The following TMEM131L variants were observed in gnomAD, a reference collection of about 807,000 sequenced individuals.
TMEM131L encodes transmembrane protein 131-like.
A neutral mutation model predicts 192.2 loss-of-function variants in TMEM131L; 54 were observed. That is an observed-to-expected ratio of 0.28 (90% CI 0.23 to 0.35). The LOEUF (loss-of-function observed/expected upper bound fraction) is 0.35. TMEM131L is among the 10% of genes least tolerant of loss of function. The probability of loss-of-function intolerance (pLI) is 1.00; values close to 1 mark genes in which losing one functional copy is unlikely to be tolerated. For synonymous variants in TMEM131L, 701 were observed against 704.9 expected, an observed-to-expected ratio of 0.99 and a Z score of 0.09; for missense variants, 1,888 against 1,972.9, an observed-to-expected ratio of 0.96 and a Z score of 0.82.
chr4:153,632,727 C>G lies in TMEM131L; in HGVS notation c.4217C>G (p.Ser1406Ter), dbSNP rs1456564803. 6.2e-7 allele frequency: 1 copy of G among 1,614,058 alleles called. No individual in the cohort carries two copies. ...TGVEEDKGLY[S>*]PGDLWPTPPV... ...TTGTTCTCTTCCGTAGGTCTTTACTCACCTGGAGACCTGTGGCCCACTCCG... is the reference window on the plus strand; with the variant it reads ...TTGTTCTCTTCCGTAGGTCTTTACTGACCTGGAGACCTGTGGCCCACTCCG... Residue 1406 changes from serine (S) to a stop codon, truncating the protein, a stop_gained, in exon 32 of 35, where the codon TCA becomes TGA. Coordinates refer to ENST00000409959, the MANE Select transcript of TMEM131L (RefSeq NM_001131007.2). LOFTEE classifies it high-confidence loss of function.
chr4:153,623,424 T>C (rs553343795), intron 29 of TMEM131L, among the ~76,000 whole-genome samples: 2 of 152,332 alleles, frequency 1.3e-5, no homozygotes, highest in South Asian at 4.1e-4. Flanking sequence ...GTGCATCACA[T>C]TGTGCAGCCA....
intron 25 of TMEM131L, among the ~76,000 whole-genome samples, chr4:153,606,208 T>C (rs969333279): frequency 3.3e-5 from 5 of 152,240 alleles, no homozygotes; most frequent in African/African-American, 4.8e-5. Context: ...AGGTGAATTA[T>C]GGAGTGAGTC....
intron 20 of TMEM131L, among the ~76,000 whole-genome samples, chr4:153,596,654 T>C (rs560333844): frequency 1.3e-5 from 2 of 152,344 alleles, no homozygotes; most frequent in African/African-American, 2.4e-5. Context: ...TCGTCTGTGC[T>C]GTCTCAAAAG....
At chr4:153,473,934 C>T (rs1186296241) in intron 3 of TMEM131L, 46 bp downstream of exon 3, 2 of 1,403,488 alleles carry the variant, frequency 1.4e-6, no homozygotes, top group East Asian at 2.5e-5. Flanking sequence ...AATGTCCCTG[C>T]CCACTTTGGG....
intron 26 of TMEM131L, among the ~76,000 whole-genome samples, chr4:153,620,054 G>A (rs1418761847): frequency 6.6e-6 from 1 of 152,154 alleles, no homozygotes; most frequent in African/African-American, 2.4e-5. Context: ...ATAAGGATTA[G>A]AATATGTTAA....
At position 153,624,008 on chromosome 4, in the gene TMEM131L, A is replaced by T. The variant is rs1280220169; in HGVS notation, c.4045+925A>T. 2.0e-5 allele frequency among the ~76,000 whole-genome samples: 3 copies of T among 151,854 alleles called. No individual in the cohort carries two copies. In the East Asian group the frequency reaches 5.8e-4, roughly 29 times the overall value. On this transcript the variant is annotated intron_variant, in intron 29 of 34. Transcript: ENST00000409959. ...TTAGTCCATTTTAAATTTTACATTC[A>T]TATATCCATCAACAAAATATTGACT... is the stretch of plus-strand genomic sequence containing the variant.
chr4:153,560,327 G>C (rs1439488006), intron 7 of TMEM131L, among the ~76,000 whole-genome samples: 2 of 152,200 alleles, frequency 1.3e-5, no homozygotes, highest in Non-Finnish European at 2.9e-5. Context: ...TAGCTCTGGG[G>C]CTGTCCTCAC....
intron 7 of TMEM131L, 59 bp downstream of exon 7, chr4:153,558,427 G>T (rs1241738044): frequency 1.0e-6 from 1 of 976,312 alleles, no homozygotes; most frequent in South Asian, 1.6e-5. Context: ...AACCTTCTCA[G>T]AATTGGTTAT....
intron 2 of TMEM131L, among the ~76,000 whole-genome samples, chr4:153,471,145 G>A (rs554292578): frequency 3.2e-4 from 49 of 152,170 alleles, no homozygotes; most frequent in Non-Finnish European, 6.5e-4. Context: ...GCGCCACCAT[G>A]CCCGGCTAAT....
intron 31 of TMEM131L, among the ~76,000 whole-genome samples, chr4:153,628,875 G>C (rs1269661385): frequency 6.6e-6 from 1 of 152,168 alleles, no homozygotes; most frequent in African/African-American, 2.4e-5. Flanking sequence ...TGTACTTCAA[G>C]TGCCTTTACC....
chr4:153,580,834 C>T lies in TMEM131L; in HGVS notation c.669C>T (p.Thr223=), dbSNP rs1730282255. The change falls in exon 8 of 35, where the codon ACC becomes ACT. Residue 223 remains threonine, a synonymous_variant. Coordinates refer to ENST00000409959, the MANE Select transcript of TMEM131L (RefSeq NM_001131007.2). ...SIQLSQMQAE[T]TNTSLLQVQL... ...CTTTTTTCTTCTTTTAGGCAGAAAC[C>T]ACTAATACTAGCCTCTTGCAGGTGC... 1 of 1,609,482 alleles carries T rather than the reference C, an allele frequency of 6.2e-7. No individual in the cohort carries two copies. Among genetic ancestry groups the T allele is most frequent in the East Asian group, 2.2e-5 (1 of 44,816 alleles).
chr4:153,501,610 A>G (rs962016892), intron 3 of TMEM131L, among the ~76,000 whole-genome samples: 1 of 152,188 alleles, frequency 6.6e-6, no homozygotes, highest in African/African-American at 2.4e-5. Flanking sequence ...ACTTCTTGCC[A>G]TCACTTTTCT....
chr4:153,517,469 TA>T (rs1734816758), intron 3 of TMEM131L, among the ~76,000 whole-genome samples: 1 of 150,808 alleles, frequency 6.6e-6, no homozygotes, highest in African/African-American at 2.4e-5. Context: ...ATATAGTGTG[TA>T]TTTTTTTTTC....
chr4:153,564,573 C>T (rs577477267), intron 7 of TMEM131L, among the ~76,000 whole-genome samples: 1 of 152,188 alleles, frequency 6.6e-6, no homozygotes, highest in East Asian at 1.9e-4. Context: ...TTTGGTCCTT[C>T]TTTTTTATTG....
chr4:153,473,140 G>C (rs1185417804), intron 2 of TMEM131L, among the ~76,000 whole-genome samples: 1 of 152,218 alleles, frequency 6.6e-6, no homozygotes, highest in African/African-American at 2.4e-5. Context: ...GCTGTATGCT[G>C]TTGAAGAGCT....
rs1468578368 is a variant in TMEM131L at position 153,583,265 on chromosome 4, AC to A, written c.951+19del. 3.2e-6 allele frequency: 4 copies of A among 1,245,166 alleles called. No individual in the cohort carries two copies. The African/African-American group carries it at 5.9e-5, about 18-fold the overall frequency. The allele number at this position is 1,245,166 out of a possible 1,614,324, so 77.1% of individuals were successfully genotyped here. On this transcript the variant is annotated intron_variant, in intron 10 of 34. Coordinates refer to ENST00000409959, the MANE Select transcript of TMEM131L (RefSeq NM_001131007.2). ...TGGATACAGGTAATTGTAAATGCTT[AC>A]CTAAAGTAACTTTTAAAATTGCAAG... is the stretch of plus-strand genomic sequence containing the variant.
intron 6 of TMEM131L, 50 bp from the exon 7 acceptor site, chr4:153,558,208 T>C (rs1439229412): frequency 1.3e-5 from 13 of 986,538 alleles, no homozygotes; most frequent in East Asian, 2.4e-5. Flanking sequence ...TTATGGCAAA[T>C]GTGTTTTAAA....
At position 153,499,700 on chromosome 4, in the gene TMEM131L, C is replaced by T. The variant is rs189064930; in HGVS notation, c.239+25812C>T. Among the ~76,000 whole-genome samples, 147 of 152,324 alleles carry T rather than the reference C, an allele frequency of 9.7e-4. 1 individual carries two copies. The highest frequency in any genetic ancestry group is 3.3e-3 in the African/African-American group (138 of 41,580). On this transcript the variant is annotated intron_variant, in intron 3 of 34. Coordinates refer to ENST00000409959, the MANE Select transcript of TMEM131L (RefSeq NM_001131007.2). ...TTGGCCTCCCAAAATGCTAGGATTA[C>T]AGGCGTGAACCGCCGTGCCCAGCCC...
At chr4:153,617,266 C>T (rs763416609) in intron 26 of TMEM131L, among the ~76,000 whole-genome samples, 6 of 152,184 alleles carry the variant, frequency 3.9e-5, no homozygotes, top group African/African-American at 1.4e-4. Context: ...TGAGGCCTCC[C>T]TAGCCACATG....
Sources: allele counts gnomAD v4.1 joint callset (sites outside exome capture counted in the v4.1 genomes callset), GRCh38; gene constraint gnomAD v4.1.1; transcripts MANE v1.5; gene names NCBI Gene and HGNC (gene_info 2026-07-23, HGNC 2026-07-21).